Variants in JADE3 observed in about 807,000 individuals in gnomAD.
JADE3 encodes protein Jade-3.
JADE3 carries 2 observed loss-of-function variants against 50.1 expected under a neutral mutation model. The ratio of observed to expected loss-of-function variants is 0.04; its 90% CI spans 0.02 to 0.13. The LOEUF (loss-of-function observed/expected upper bound fraction) is 0.13, where lower values mean the gene tolerates loss of function less well. Ranked by LOEUF, JADE3 falls within the 10% of genes least tolerant of loss-of-function variation. The pLI is 1.00. For missense variants in JADE3, 475 were observed against 634.4 expected, an observed-to-expected ratio of 0.75 and a Z score of 2.70; for synonymous variants, 218 against 232.9, an observed-to-expected ratio of 0.94 and a Z score of 0.58.
At chrX:46,963,411 G>A (rs894270047) in intron 1 of JADE3, among the ~76,000 whole-genome samples, 1 of 112,208 alleles carries the variant, frequency 8.9e-6, no homozygotes, top group East Asian at 2.8e-4. Flanking sequence ...AGTGTAGTAC[G>A]ACTGAGGTTT....
At position 46,940,094 on chromosome X, in the gene JADE3, A is replaced by G. The variant is rs186893026; in HGVS notation, c.-12+27375A>G. On this transcript the variant is annotated intron_variant, in intron 1 of 10. Coordinates refer to ENST00000614628, the MANE Select transcript of JADE3 (RefSeq NM_014735.5). ...TAGCCCTTTACAGAAAAAGTTCGCTAACTCCTGGTTTACAATAATGTTGAG... is the reference window on the plus strand; with the variant it reads ...TAGCCCTTTACAGAAAAAGTTCGCTGACTCCTGGTTTACAATAATGTTGAG... Among the ~76,000 whole-genome samples, 4 of 112,387 alleles carry G rather than the reference A, an allele frequency of 3.6e-5. No homozygotes were observed. In the Admixed American group the frequency reaches 3.8e-4, roughly 11 times the overall value.
intron 1 of JADE3, among the ~76,000 whole-genome samples, chrX:46,981,148 C>A (rs1556352948): frequency 3.6e-5 from 4 of 111,937 alleles, no homozygotes; most frequent in African/African-American, 3.2e-5. Context: ...CTCTGTGAGA[C>A]CTGTGTCAAA....
intron 4 of JADE3, among the ~76,000 whole-genome samples, 176 bp downstream of exon 4, chrX:46,998,453 C>G (rs1928190740): frequency 9.1e-6 from 1 of 109,761 alleles, no homozygotes; most frequent in Non-Finnish European, 1.9e-5. Flanking sequence ...GCAATAAAGT[C>G]AGGCTCATGT....
At chrX:47,041,803 G>A (rs781814314) in intron 8 of JADE3, among the ~76,000 whole-genome samples, 1 of 109,085 alleles carries the variant, frequency 9.2e-6, no homozygotes, top group East Asian at 2.9e-4. Context: ...AGCCTCCCAA[G>A]TAGCTGGGAT....
intron 1 of JADE3, among the ~76,000 whole-genome samples, chrX:46,922,959 A>G (rs1926256091): frequency 9.0e-6 from 1 of 111,509 alleles, no homozygotes; most frequent in African/African-American, 3.3e-5. Flanking sequence ...GGAGAAGAAC[A>G]TATTTATGGA....
At chrX:46,967,296 C>T (rs1927388765) in intron 1 of JADE3, among the ~76,000 whole-genome samples, 1 of 111,754 alleles carries the variant, frequency 8.9e-6, no homozygotes, top group Admixed American at 9.5e-5. Flanking sequence ...GCTGTAGGCT[C>T]ACAGGTATTT....
chrX:46,935,262 A>G (rs1556340708), intron 1 of JADE3, among the ~76,000 whole-genome samples: 1 of 112,175 alleles, frequency 8.9e-6, no homozygotes, highest in Admixed American at 9.4e-5. Flanking sequence ...CACTTTGCCA[A>G]TACCACTATC....
chrX:46,933,869 TAA>T lies in JADE3; in HGVS notation c.-12+21162_-12+21163del, dbSNP rs782744010. Among the ~76,000 whole-genome samples, 486 of 104,245 alleles carry T rather than the reference TAA, an allele frequency of 4.7e-3. 2 individuals are homozygous for T. The highest frequency in any genetic ancestry group is 0.016 in the African/African-American group (468 of 28,946). The allele number at this position is 104,245 out of a possible 115,157, so 90.5% of individuals were successfully genotyped here. On this transcript the variant is annotated intron_variant, in intron 1 of 10. Coordinates refer to ENST00000614628, the MANE Select transcript of JADE3 (RefSeq NM_014735.5). ...GCAGTGTTGTTCACATCCTTAAAATTAAAAAAAAAAAAATGCTGGGCTAATTT... is the reference window on the plus strand; with the variant it reads ...GCAGTGTTGTTCACATCCTTAAAATTAAAAAAAAAAATGCTGGGCTAATTT...
chrX:47,028,813 G>A (rs1249321186), intron 6 of JADE3, among the ~76,000 whole-genome samples: 1 of 111,172 alleles, frequency 9.0e-6, no homozygotes, highest in Non-Finnish European at 1.9e-5. Context: ...TACTCAAGGT[G>A]CAGTGATGAA....
chrX:47,050,853 G>A (rs782815707), intron 8 of JADE3, among the ~76,000 whole-genome samples: 13 of 111,865 alleles, frequency 1.2e-4, no homozygotes, highest in African/African-American at 3.9e-4. Context: ...AGAGTACTGT[G>A]CCCAACACTT....
At chrX:47,027,700 A>G (rs1252467730) in intron 5 of JADE3, among the ~76,000 whole-genome samples, 192 bp from the exon 6 acceptor site, 2 of 112,203 alleles carry the variant, frequency 1.8e-5, no homozygotes, top group Non-Finnish European at 3.8e-5. Flanking sequence ...TGTGTCAAAC[A>G]CTAATATATG....
intron 1 of JADE3, among the ~76,000 whole-genome samples, chrX:46,937,297 A>G (rs1335382050): frequency 3.6e-5 from 4 of 111,142 alleles, no homozygotes; most frequent in Non-Finnish European, 7.5e-5. Flanking sequence ...CATGCTCTTT[A>G]TGATTTCCAT....
intron 6 of JADE3, among the ~76,000 whole-genome samples, chrX:47,028,978 C>T (rs1928960880): frequency 9.0e-6 from 1 of 111,610 alleles, no homozygotes; most frequent in Non-Finnish European, 1.9e-5. Context: ...TTTCATTCTT[C>T]TGAACCTGTT....
chrX:47,052,046 A>G (rs1330471548), intron 8 of JADE3, among the ~76,000 whole-genome samples: 1 of 110,889 alleles, frequency 9.0e-6, no homozygotes, highest in Non-Finnish European at 1.9e-5. Flanking sequence ...GCGAGCCAAA[A>G]TCGCGCCACT....
intron 3 of JADE3, among the ~76,000 whole-genome samples, chrX:46,997,062 C>T (rs782760675): frequency 8.9e-6 from 1 of 112,050 alleles, no homozygotes; most frequent in African/African-American, 3.2e-5. Context: ...TTTATAAAGA[C>T]TATCACTTGG....
chrX:46,978,142 G>A (rs782493424), intron 1 of JADE3, among the ~76,000 whole-genome samples: 1 of 111,828 alleles, frequency 8.9e-6, no homozygotes, highest in East Asian at 2.8e-4. Context: ...GGCTGCCCTA[G>A]GCCACATTGG....
chrX:47,030,585 C>T (rs1369490926), intron 6 of JADE3, among the ~76,000 whole-genome samples: 1 of 112,027 alleles, frequency 8.9e-6, no homozygotes, highest in African/African-American at 3.2e-5. Context: ...AGAATGGGGA[C>T]ATGTTGACAT....
chrX:46,944,108 C>T (rs1926827987), intron 1 of JADE3, among the ~76,000 whole-genome samples: 1 of 110,617 alleles, frequency 9.0e-6, no homozygotes, highest in African/African-American at 3.3e-5. Context: ...TTTTGTTAGT[C>T]TAGTAAGCAG....
chrX:47,018,148 T>A (rs1322131969), intron 4 of JADE3, among the ~76,000 whole-genome samples: 3 of 110,844 alleles, frequency 2.7e-5, no homozygotes, highest in African/African-American at 9.9e-5. Context: ...CATGCCTGCC[T>A]CCCACTCCAC....
Sources: gnomAD v4.1 joint callset for allele counts (sites outside exome capture counted in the v4.1 genomes callset) on GRCh38, gnomAD v4.1.1 for gene constraint, MANE v1.5 for transcripts, NCBI Gene and HGNC (gene_info 2026-07-23, HGNC 2026-07-21) for gene names.